UNC13C: variants seen among roughly 807,000 people sequenced by gnomAD.
UNC13C encodes the protein protein unc-13 homolog C.
A neutral mutation model predicts 245.4 loss-of-function variants in UNC13C; 174 were observed. The observed-to-expected ratio is 0.71, with a 90% CI of 0.63 to 0.80. The LOEUF (loss-of-function observed/expected upper bound fraction) is 0.80. UNC13C is among the 30% of genes least tolerant of loss of function. The pLI, the probability that UNC13C is intolerant of heterozygous loss-of-function variation, is 0.00. For missense variants in UNC13C, 2,829 were observed against 2,602.9 expected, an observed-to-expected ratio of 1.09 and a Z score of -1.89; for synonymous variants, 992 against 895.1, an observed-to-expected ratio of 1.11 and a Z score of -1.93.
At chr15:54,050,372 C>A (rs1239867935) in intron 2 of UNC13C, 35 of 559,448 alleles carry the variant, frequency 6.3e-5, no homozygotes, top group Non-Finnish European at 1.4e-5. Flanking sequence ...AGGCACTCCT[C>A]CTTTTTCTGT....
intron 2 of UNC13C, among the ~76,000 whole-genome samples, chr15:54,114,643 G>A (rs980674497): frequency 2.5e-4 from 38 of 152,102 alleles, no homozygotes; most frequent in Middle Eastern, 3.4e-3. Context: ...TGCAAATAAT[G>A]CAGTAAACAT....
At chr15:54,023,328 T>A (rs1486916793) in intron 2 of UNC13C, among the ~76,000 whole-genome samples, 1 of 152,212 alleles carries the variant, frequency 6.6e-6, no homozygotes, top group Non-Finnish European at 1.5e-5. Flanking sequence ...GCCAGTCTTG[T>A]CATGAAAGAT....
At chr15:54,150,956 G>A (rs1406105472) in intron 4 of UNC13C, among the ~76,000 whole-genome samples, 3 of 152,140 alleles carry the variant, frequency 2.0e-5, no homozygotes, top group Non-Finnish European at 4.4e-5. Flanking sequence ...TGACTCAGAA[G>A]ATTAAGAAAA....
At chr15:54,073,812 C>T (rs1026583736) in intron 2 of UNC13C, among the ~76,000 whole-genome samples, 4 of 152,058 alleles carry the variant, frequency 2.6e-5, no homozygotes, top group African/African-American at 7.2e-5. Context: ...CCAAAATTTT[C>T]TCCCATTCTG....
At chr15:54,095,264 A>C (rs898946313) in intron 2 of UNC13C, among the ~76,000 whole-genome samples, 1 of 152,146 alleles carries the variant, frequency 6.6e-6, no homozygotes, top group Admixed American at 6.5e-5. Context: ...AGTCCATTTC[A>C]TGACATTCTC....
chr15:53,989,489 C>G (rs929335076), intron 1 of UNC13C, among the ~76,000 whole-genome samples: 3 of 151,538 alleles, frequency 2.0e-5, no homozygotes, highest in Non-Finnish European at 4.4e-5. Context: ...ACTATAACTC[C>G]TCTTGTTTTA....
chr15:54,558,645 T>A (rs1274178071), intron 29 of UNC13C, among the ~76,000 whole-genome samples: 2 of 152,036 alleles, frequency 1.3e-5, no homozygotes, highest in East Asian at 3.9e-4. Flanking sequence ...ACCAGTCACA[T>A]GTAGCTTCTA....
intron 26 of UNC13C, among the ~76,000 whole-genome samples, chr15:54,539,599 G>A (rs1896152561): frequency 6.6e-6 from 1 of 151,988 alleles, no homozygotes; most frequent in African/African-American, 2.4e-5. Flanking sequence ...AGGCCCAAGC[G>A]ATCCCAATTC....
the UNC13C span, among the ~76,000 whole-genome samples, chr15:53,873,853 C>G: frequency 2.2e-5 from 1 of 45,642 alleles, no homozygotes; most frequent in African/African-American, 7.3e-5. Context: ...CAGCATCTAT[C>G]CCTCTCTCTC....
chr15:54,071,755 G>A (rs985573997), intron 2 of UNC13C, among the ~76,000 whole-genome samples: 1 of 152,160 alleles, frequency 6.6e-6, no homozygotes, highest in African/African-American at 2.4e-5. Context: ...AAACAGTCAT[G>A]CCCTTTTTCA....
At position 54,244,354 on chromosome 15, in the gene UNC13C, G is replaced by A. The variant is rs142815616; in HGVS notation, c.3229-5871G>A. On this transcript the variant is annotated intron_variant, in intron 7 of 32. Coordinates refer to ENST00000260323, the MANE Select transcript of UNC13C (RefSeq NM_001080534.3). The stretch of plus-strand genomic sequence containing the variant: ...ATGTGTCTGTTCTTATACCAGTACC[G>A]TGCTGTTTTGGCTACCGTAGCCTTG... 3.3e-4 allele frequency among the ~76,000 whole-genome samples: 50 copies of A among 152,168 alleles called. No individual in the cohort carries two copies. In the East Asian group the frequency reaches 3.5e-3, roughly 11 times the overall value.
chr15:53,981,157 G>T (rs1223396531), intron 1 of UNC13C, among the ~76,000 whole-genome samples: 1 of 152,096 alleles, frequency 6.6e-6, no homozygotes, highest in Non-Finnish European at 1.5e-5. Flanking sequence ...TTTCATTTCT[G>T]TTAACCTTTT....
At chr15:54,303,834 C>G (rs948969548) in intron 13 of UNC13C, among the ~76,000 whole-genome samples, 6 of 151,928 alleles carry the variant, frequency 3.9e-5, no homozygotes, top group African/African-American at 1.5e-4. Context: ...CAACTCACAG[C>G]AAGGAGGGGG....
At chr15:54,502,281 A>G (rs1034923769) in intron 22 of UNC13C, among the ~76,000 whole-genome samples, 1 of 152,178 alleles carries the variant, frequency 6.6e-6, no homozygotes, top group African/African-American at 2.4e-5. Context: ...ACTATGACAA[A>G]GTCAAATGTT....
At chr15:54,030,474 G>GTCAATC (rs1896311266) in intron 2 of UNC13C, among the ~76,000 whole-genome samples, 1 of 152,166 alleles carries the variant, frequency 6.6e-6, no homozygotes, top group Admixed American at 6.6e-5. Context: ...AGACAGTAAG[G>GTCAATC]TCAATCGGGT....
intron 19 of UNC13C, among the ~76,000 whole-genome samples, chr15:54,451,994 G>C (rs1277823411): frequency 6.6e-6 from 1 of 152,220 alleles, no homozygotes; most frequent in African/African-American, 2.4e-5. Context: ...AGTGCATGCA[G>C]TAGTGTATTA....
chr15:54,241,602 C>T (rs1051415087), intron 7 of UNC13C, among the ~76,000 whole-genome samples: 3 of 152,202 alleles, frequency 2.0e-5, no homozygotes, highest in Non-Finnish European at 2.9e-5. Flanking sequence ...CCTGAGATAA[C>T]TTTGCTTCAT....
At chr15:54,610,636 A>G (rs898837801) in intron 30 of UNC13C, among the ~76,000 whole-genome samples, 1 of 152,250 alleles carries the variant, frequency 6.6e-6, no homozygotes, top group African/African-American at 2.4e-5. Flanking sequence ...TATGCCAGGT[A>G]TTTTAAGTTC....
intron 4 of UNC13C, among the ~76,000 whole-genome samples, chr15:54,174,636 T>C (rs1288865862): frequency 6.6e-6 from 1 of 152,172 alleles, no homozygotes; most frequent in Non-Finnish European, 1.5e-5. Context: ...TTAAATATGA[T>C]TCTATCTTAA....
Sources: gnomAD v4.1 joint callset for allele counts (sites outside exome capture counted in the v4.1 genomes callset) on GRCh38, gnomAD v4.1.1 for gene constraint, MANE v1.5 for transcripts, NCBI Gene and HGNC (gene_info 2026-07-23, HGNC 2026-07-21) for gene names.